MED13L: variants seen among roughly 807,000 people sequenced by gnomAD.
The protein encoded by MED13L is mediator complex subunit 13L, also known as mediator of RNA polymerase II transcription subunit 13-like.
In MED13L, 7 loss-of-function variants were observed where a neutral mutation model predicts 220.9. The ratio of observed to expected loss-of-function variants is 0.03; its 90% CI spans 0.02 to 0.06. MED13L has a LOEUF of 0.06. Ranked by LOEUF, MED13L falls within the 10% of genes least tolerant of loss-of-function variation. The probability of loss-of-function intolerance (pLI) is 1.00; values close to 1 mark genes in which losing one functional copy is unlikely to be tolerated. For synonymous variants in MED13L, 1,011 were observed against 1,015.2 expected (o/e 1.00, Z 0.08); for missense variants, 1,965 against 2,760.5 (o/e 0.71, Z 6.46).
intron 3 of MED13L, among the ~76,000 whole-genome samples, chr12:116,098,117 G>A (rs569650173): frequency 3.9e-5 from 6 of 152,044 alleles, no homozygotes; most frequent in East Asian, 1.9e-4. Flanking sequence ...GTGGTGGTGC[G>A]CGCCTGTAAT....
At chr12:116,260,351 A>C (rs755226833) in intron 1 of MED13L, among the ~76,000 whole-genome samples, 61 of 152,212 alleles carry the variant, frequency 4.0e-4, no homozygotes, top group Non-Finnish European at 7.1e-4. Context: ...TCTGAAGCGC[A>C]TATGTCCATT....
chr12:116,214,506 T>C (rs117945461), intron 2 of MED13L, among the ~76,000 whole-genome samples: 5 of 152,254 alleles, frequency 3.3e-5, no homozygotes, highest in Non-Finnish European at 7.4e-5. Flanking sequence ...AAGAACCTAA[T>C]CAAACACAAA....
intron 2 of MED13L, among the ~76,000 whole-genome samples, chr12:116,117,400 ATATTATTTACTAAATAATG>A (rs1224168005): frequency 2.6e-5 from 4 of 152,148 alleles, no homozygotes; most frequent in Admixed American, 6.6e-5. Flanking sequence ...ACGCGCAGAA[ATATTATTTACTAAATAATG>A]TATTATTTAC....
intron 2 of MED13L, among the ~76,000 whole-genome samples, chr12:116,120,716 A>G (rs1164659017): frequency 2.0e-5 from 3 of 152,104 alleles, no homozygotes; most frequent in Non-Finnish European, 4.4e-5. Context: ...CAAAAGAAAA[A>G]AAAATAAAAA....
At chr12:116,062,718 C>A (rs1191868800) in intron 4 of MED13L, among the ~76,000 whole-genome samples, 1 of 152,066 alleles carries the variant, frequency 6.6e-6, no homozygotes, top group African/African-American at 2.4e-5. Flanking sequence ...GATCTCTTGA[C>A]CCTGTGATCC....
At chr12:116,006,086 C>T in intron 12 of MED13L, 93 bp from the exon 13 acceptor site, 5 of 1,536,272 alleles carry the variant, frequency 3.3e-6, no homozygotes, top group South Asian at 2.3e-5. Flanking sequence ...ACATGACCTG[C>T]CTGTGAGTTT....
At chr12:116,186,895 G>A (rs1169964614) in intron 2 of MED13L, among the ~76,000 whole-genome samples, 2 of 152,132 alleles carry the variant, frequency 1.3e-5, no homozygotes, top group Admixed American at 1.3e-4. Flanking sequence ...GTGTTCCCAA[G>A]TCCACACTTT....
intron 14 of MED13L, among the ~76,000 whole-genome samples, chr12:116,002,624 T>C (rs1878816866): frequency 6.6e-6 from 1 of 152,338 alleles, no homozygotes; most frequent in African/African-American, 2.4e-5. Flanking sequence ...GAGTGAATTA[T>C]ATTTATAAAA....
chr12:116,083,406 A>G lies in MED13L; in HGVS notation c.479+13263T>C, dbSNP rs1004755970. On this transcript the variant is annotated intron_variant, in intron 4 of 30. Transcript: ENST00000281928. ...GACAGAGCGAGACTGTCTCGAGGGA[A>G]AAAAAAAAAAAAAAAAAAAAACACC... Among the ~76,000 whole-genome samples, 10 of 77,510 alleles carry G rather than the reference A, an allele frequency of 1.3e-4. No homozygotes were observed. In the East Asian group the frequency reaches 1.9e-3, roughly 14 times the overall value. 50.8% of individuals were successfully genotyped at this position (77,510 alleles called of 152,430 possible). A position where few individuals can be genotyped will look rare whatever the true frequency, so the allele number is the denominator to read the frequency against.
chr12:116,273,085 ACCTGAGGTC>A (rs1000547862), intron 1 of MED13L, among the ~76,000 whole-genome samples: 16 of 152,128 alleles, frequency 1.1e-4, no homozygotes, highest in Non-Finnish European at 2.2e-4. Context: ...CAGGTGGATC[ACCTGAGGTC>A]GGGAGTTTGA....
At chr12:116,083,165 G>A (rs1248022246) in intron 4 of MED13L, among the ~76,000 whole-genome samples, 1 of 152,084 alleles carries the variant, frequency 6.6e-6, no homozygotes, top group East Asian at 1.9e-4. Flanking sequence ...CCAGCACTTT[G>A]GGAGGCCAAG....
chr12:116,006,764 G>A (rs572585552), intron 11 of MED13L: 2 of 335,452 alleles, frequency 6.0e-6, no homozygotes, highest in Admixed American at 8.8e-5. Context: ...GGTCTAGGGA[G>A]ATCTGTATAA....
chr12:115,978,044 T>C (rs1418321400), intron 23 of MED13L, among the ~76,000 whole-genome samples: 2 of 151,190 alleles, frequency 1.3e-5, no homozygotes, highest in Non-Finnish European at 3.0e-5. Flanking sequence ...AGGCCAGGAG[T>C]TCAAGACCAG....
intron 2 of MED13L, among the ~76,000 whole-genome samples, chr12:116,150,436 T>C (rs1565901501): frequency 6.6e-6 from 1 of 152,226 alleles, no homozygotes; most frequent in Non-Finnish European, 1.5e-5. Flanking sequence ...TGTCATAATT[T>C]AGTAAACTAA....
At chr12:116,012,194 C>G (rs750315232) in intron 9 of MED13L, among the ~76,000 whole-genome samples, 1 of 152,072 alleles carries the variant, frequency 6.6e-6, no homozygotes, top group Admixed American at 6.5e-5. Flanking sequence ...CTAATGAAAA[C>G]CTATGATGGT....
intron 2 of MED13L, among the ~76,000 whole-genome samples, chr12:116,150,209 C>G (rs924746138): frequency 3.9e-5 from 6 of 152,188 alleles, no homozygotes; most frequent in African/African-American, 1.2e-4. Context: ...TCTGGCTGAC[C>G]ATGCAGGCTG....
chr12:116,100,894 A>G (rs1274795503), intron 3 of MED13L, among the ~76,000 whole-genome samples: 1 of 152,154 alleles, frequency 6.6e-6, no homozygotes, highest in East Asian at 1.9e-4. Flanking sequence ...AGCCTGGATG[A>G]CAGAGTGAGA....
chr12:115,973,880 G>A (rs1436059653), intron 25 of MED13L, among the ~76,000 whole-genome samples: 3 of 152,146 alleles, frequency 2.0e-5, no homozygotes, highest in Non-Finnish European at 2.9e-5. Context: ...TACATATGAT[G>A]TAATATTTAT....
At chr12:116,253,754 T>G (rs11067958) in intron 1 of MED13L, among the ~76,000 whole-genome samples, 30 of 59,012 alleles carry the variant, frequency 5.1e-4, no homozygotes, top group Non-Finnish European at 8.3e-4. Flanking sequence ...GTTTTTTTTG[T>G]TTTTTTTTTT....
Sources: gnomAD v4.1 joint callset for allele counts (sites outside exome capture counted in the v4.1 genomes callset) on GRCh38, gnomAD v4.1.1 for gene constraint, MANE v1.5 for transcripts, NCBI Gene and HGNC (gene_info 2026-07-23, HGNC 2026-07-21) for gene names.